Variants in SGK1 observed in about 807,000 individuals in gnomAD.
SGK1 encodes serine/threonine-protein kinase Sgk1.
In SGK1, 26 loss-of-function variants were observed where a neutral mutation model predicts 64.2. The observed-to-expected ratio is 0.40, with a 90% CI of 0.30 to 0.56. The LOEUF is 0.56. SGK1 is among the 20% of genes least tolerant of loss of function. The pLI is 0.38. For missense variants in SGK1, 519 were observed against 645.6 expected, an observed-to-expected ratio of 0.80 and a Z score of 2.12; for synonymous variants, 265 against 239.7, an observed-to-expected ratio of 1.11 and a Z score of -0.98.
chr6:134,222,560 T>G (rs1325666277), intron 2 of SGK1, among the ~76,000 whole-genome samples: 1 of 152,038 alleles, frequency 6.6e-6, no homozygotes, highest in Non-Finnish European at 1.5e-5. Flanking sequence ...AGTCTCAAAC[T>G]CCTGACCTCA....
At chr6:134,298,713 G>C in intron 1 of SGK1, 1 of 715,476 alleles carries the variant, frequency 1.4e-6, no homozygotes, top group Non-Finnish European at 2.2e-6. Context: ...GGCAGGAGTG[G>C]AGGCAGGCGG....
intron 2 of SGK1, among the ~76,000 whole-genome samples, chr6:134,216,915 T>C (rs1330056268): frequency 6.6e-6 from 1 of 152,092 alleles, no homozygotes; most frequent in Non-Finnish European, 1.5e-5. Flanking sequence ...ACAAGGCACA[T>C]TTGGGCAACA....
intron 3 of SGK1, among the ~76,000 whole-genome samples, chr6:134,202,927 C>T (rs990167852): frequency 7.2e-5 from 11 of 152,048 alleles, no homozygotes; most frequent in African/African-American, 2.4e-4. Flanking sequence ...CAAATTTTGA[C>T]GATGGTCTAT....
intron 1 of SGK1, among the ~76,000 whole-genome samples, chr6:134,294,450 T>G (rs1777310405): frequency 6.6e-6 from 1 of 152,202 alleles, no homozygotes; most frequent in Non-Finnish European, 1.5e-5. Flanking sequence ...TGTCTATAAA[T>G]GGGACTACTC....
At chr6:134,283,125 T>C (rs1777119790) in intron 1 of SGK1, 1 of 152,440 alleles carries the variant, frequency 6.6e-6, no homozygotes. Context: ...TTACAACTGA[T>C]TGATCACAAC....
intron 3 of SGK1, among the ~76,000 whole-genome samples, chr6:134,198,724 C>CTTTTTTTTTTTTTTTTTTT (rs1459010325): frequency 1.5e-5 from 1 of 65,946 alleles, no homozygotes; most frequent in African/African-American, 5.1e-5. Context: ...TTCTCTTTTT[C>CTTTTTTTTTTTTTTTTTTT]TATTTTTTTT....
chr6:134,218,161 C>T (rs1459050075), intron 2 of SGK1, among the ~76,000 whole-genome samples: 1 of 152,126 alleles, frequency 6.6e-6, no homozygotes, highest in Non-Finnish European at 1.5e-5. Flanking sequence ...TTGAGACAAT[C>T]GAGGTCCAGA....
intron 2 of SGK1, among the ~76,000 whole-genome samples, chr6:134,259,600 C>T (rs893646140): frequency 7.2e-5 from 11 of 152,096 alleles, no homozygotes; most frequent in Non-Finnish European, 1.3e-4. Flanking sequence ...GCTGAGATCT[C>T]GTCACTGCAC....
At chr6:134,265,731 T>C (rs550397157) in intron 1 of SGK1, among the ~76,000 whole-genome samples, 17 of 149,290 alleles carry the variant, frequency 1.1e-4, no homozygotes, top group African/African-American at 3.9e-4. Context: ...GGGTGTTTTA[T>C]CTGTTTTTAC....
chr6:134,300,265 G>A (rs1582772999), intron 1 of SGK1, among the ~76,000 whole-genome samples: 2 of 152,078 alleles, frequency 1.3e-5, no homozygotes, highest in South Asian at 2.1e-4. Context: ...CAGGCGGGGC[G>A]CAATGGCTCA....
chr6:134,309,553 A>T (rs1045025412), intron 1 of SGK1, among the ~76,000 whole-genome samples: 5 of 152,330 alleles, frequency 3.3e-5, no homozygotes, highest in Middle Eastern at 3.4e-3. Flanking sequence ...AGAAGGATTC[A>T]CTGAGAGTGA....
chr6:134,201,655 C>A (rs186401876), intron 3 of SGK1, among the ~76,000 whole-genome samples: 53 of 152,304 alleles, frequency 3.5e-4, no homozygotes, highest in Admixed American at 1.0e-3. Context: ...AGCCACCACA[C>A]CCGACCTATT....
At position 134,317,751 on chromosome 6, in the gene SGK1, C is replaced by A; in HGVS notation, c.-291G>T. ...GGCCGGACGGTGGGATACGGCCAAT[C>A]TCCGGGGAGATGCTGTGGCTCTTAC... On this transcript the variant is annotated 5_prime_UTR_variant, in exon 1 of 14. Coordinates refer to ENST00000367858, the MANE Select transcript of SGK1 (RefSeq NM_001143676.3). 1 of 347,216 alleles carries A rather than the reference C, an allele frequency of 2.9e-6. No homozygotes were observed. The highest frequency in any genetic ancestry group is 6.2e-5 in the South Asian group (1 of 16,118). 21.5% of individuals were successfully genotyped at this position (347,216 alleles called of 1,614,324 possible).
chr6:134,272,338 G>T (rs1287789245), intron 1 of SGK1, among the ~76,000 whole-genome samples: 1 of 132,106 alleles, frequency 7.6e-6, no homozygotes, highest in Non-Finnish European at 1.6e-5. Context: ...ATTTTTAGTA[G>T]AGATGGGGTT....
At chr6:134,262,243 A>T in intron 1 of SGK1, 95 bp from the exon 2 acceptor site, 1 of 838,818 alleles carries the variant, frequency 1.2e-6, no homozygotes. Context: ...ATGGGAGCTC[A>T]TGAAAGGAGA....
chr6:134,298,796 T>TTTATTTAC (rs1777402420), intron 1 of SGK1: 1 of 290,712 alleles, frequency 3.4e-6, no homozygotes, highest in African/African-American at 2.3e-5. Context: ...TATTTATTTA[T>TTTATTTAC]TTATTTATTT....
intron 3 of SGK1, among the ~76,000 whole-genome samples, chr6:134,205,610 C>A (rs1046855247): frequency 1.3e-5 from 2 of 152,154 alleles, no homozygotes; most frequent in East Asian, 3.8e-4. Flanking sequence ...CTGGGCAGTC[C>A]ACTCTCCATT....
intron 13 of SGK1, 115 bp from the exon 14 acceptor site, chr6:134,170,550 A>G: frequency 2.1e-6 from 2 of 969,000 alleles, no homozygotes; most frequent in Non-Finnish European, 3.1e-6. Flanking sequence ...TTCCATAATC[A>G]CCCACTTCAA....
chr6:134,317,625 T>G lies in SGK1; in HGVS notation c.-165A>C, dbSNP rs191779082. On this transcript the variant is annotated 5_prime_UTR_variant, in exon 1 of 14. The change abolishes the stop of an existing upstream ORF in the 5' untranslated region. Coordinates refer to ENST00000367858, the MANE Select transcript of SGK1 (RefSeq NM_001143676.3). ...CACTCGCGCATTCTGCAGCACCAGC[T>G]ACTGCAGCAACCTCTCCCCACTTTC... 1.6e-6 allele frequency: 1 copy of G among 640,888 alleles called. No homozygotes were observed. The highest frequency in any genetic ancestry group is 2.7e-5 in the Admixed American group (1 of 37,140). 39.7% of individuals were successfully genotyped at this position (640,888 alleles called of 1,614,324 possible).
Sources: gnomAD v4.1 joint callset for allele counts (sites outside exome capture counted in the v4.1 genomes callset) on GRCh38, gnomAD v4.1.1 for gene constraint, MANE v1.5 for transcripts, NCBI Gene and HGNC (gene_info 2026-07-23, HGNC 2026-07-21) for gene names.